Variants in OPA1 observed in about 807,000 individuals in gnomAD.
OPA1 encodes the protein dynamin-like GTPase OPA1, mitochondrial.
OPA1 carries 59 observed loss-of-function variants against 152.9 expected under a neutral mutation model. The ratio of observed to expected loss-of-function variants is 0.39; its 90% CI spans 0.31 to 0.48. The LOEUF is 0.48. Ranked by LOEUF, OPA1 falls within the 20% of genes least tolerant of loss-of-function variation. The pLI, the probability that OPA1 is intolerant of heterozygous loss-of-function variation, is 0.96. For missense variants in OPA1, 1,008 were observed against 1,216.8 expected (o/e 0.83, Z 2.55); for synonymous variants, 400 against 389.9 (o/e 1.03, Z -0.31).
At chr3:193,625,089 T>A (rs1247164483) in intron 6 of OPA1, among the ~76,000 whole-genome samples, 1 of 152,124 alleles carries the variant, frequency 6.6e-6, no homozygotes, top group Non-Finnish European at 1.5e-5. Context: ...TGTAACATTG[T>A]CAAATCTTGG....
At chr3:193,648,333 A>AT in intron 20 of OPA1, 199 bp downstream of exon 20, 1 of 497,138 alleles carries the variant, frequency 2.0e-6, no homozygotes, top group Non-Finnish European at 3.6e-6. Context: ...TTAAAAATGG[A>AT]TTATAAGATG....
chr3:193,693,107 G>T (rs1197516141), intron 30 of OPA1, among the ~76,000 whole-genome samples: 1 of 152,200 alleles, frequency 6.6e-6, no homozygotes, highest in East Asian at 1.9e-4. Flanking sequence ...ACTAGAAGGA[G>T]TAGAAATGTA....
Position 193,637,235 on chromosome 3 carries a change from T to C in OPA1, c.989T>C (p.Leu330Pro). ...IDMYSEVLDV[L>P]SDYDASYNTQ... ...ATGTATTCTGAAGTTCTTGATGTTC[T>C]CTCTGATTATGATGCCAGTTATAAT... is the stretch of plus-strand genomic sequence containing the variant. The change falls in exon 10 of 31, where the codon CTC becomes CCC. Residue 330 changes from leucine to proline, a missense_variant. By Grantham distance (98) the Leu-to-Pro change is moderately conservative. Around this residue, in one of 7 missense-constraint regions of OPA1, gnomAD observed 408 missense variants for 395.1 expected, o/e 1.03. Coordinates refer to ENST00000361510, the MANE Select transcript of OPA1 (RefSeq NM_130837.3). 6.2e-7 allele frequency: 1 copy of C among 1,608,066 alleles called. No homozygotes were observed. Among genetic ancestry groups the C allele is most frequent in the Non-Finnish European group, 8.5e-7 (1 of 1,176,108 alleles).
chr3:193,656,341 G>A (rs1309424625), intron 22 of OPA1, among the ~76,000 whole-genome samples: 1 of 152,108 alleles, frequency 6.6e-6, no homozygotes, highest in Non-Finnish European at 1.5e-5. Context: ...CGTATTTTTG[G>A]ACAGTCACTT....
intron 11 of OPA1, among the ~76,000 whole-genome samples, chr3:193,639,015 T>C (rs772483970): frequency 1.3e-5 from 2 of 151,786 alleles, no homozygotes; most frequent in African/African-American, 2.4e-5. Context: ...AGGGGGGAAA[T>C]GATGCAAGAG....
At chr3:193,659,644 G>A (rs1465596751) in intron 25 of OPA1, 83 bp downstream of exon 25, 2 of 983,292 alleles carry the variant, frequency 2.0e-6, no homozygotes, top group African/African-American at 1.6e-5. Context: ...CCTTTTTGTG[G>A]CTCTAGACCA....
intron 11 of OPA1, among the ~76,000 whole-genome samples, chr3:193,638,636 A>C (rs1330253372): frequency 6.6e-6 from 1 of 152,230 alleles, no homozygotes; most frequent in Non-Finnish European, 1.5e-5. Flanking sequence ...CCCAATCATC[A>C]GAATGTCTGT....
At chr3:193,653,108 G>C (rs1712930190) in intron 21 of OPA1, among the ~76,000 whole-genome samples, 1 of 152,134 alleles carries the variant, frequency 6.6e-6, no homozygotes, top group South Asian at 2.1e-4. Context: ...GCCCTGACAG[G>C]CTGCTTTTCT....
intron 25 of OPA1, among the ~76,000 whole-genome samples, chr3:193,659,847 G>T (rs1046634081): frequency 1.2e-4 from 18 of 152,072 alleles, no homozygotes; most frequent in Non-Finnish European, 1.9e-4. Flanking sequence ...TAAAAAGGAA[G>T]ATTAAAGTTA....
At chr3:193,619,622 C>T (rs1729677155) in intron 6 of OPA1, 1 of 152,004 alleles carries the variant, frequency 6.6e-6, no homozygotes, top group Admixed American at 6.6e-5. Context: ...TGAGTCTTCA[C>T]TTTTTTCATT....
intron 25 of OPA1, 119 bp from the exon 26 acceptor site, chr3:193,662,703 T>C (rs1226306685): frequency 2.5e-6 from 2 of 810,576 alleles, no homozygotes; most frequent in Non-Finnish European, 2.0e-6. Context: ...TCTTGTTTGT[T>C]GTGATTAAGC....
rs188066750 is a variant in OPA1 at position 193,644,512 on chromosome 3, G to A, written c.1608+407G>A. ...TCAGTAGTGAGCCACTGTTATATAA[G>A]GAAAGGTTTATATCAGTGTAGGGAA... is the stretch of plus-strand genomic sequence containing the variant. On this transcript the variant is annotated intron_variant, in intron 16 of 30. Transcript: ENST00000361510. 2.7e-3 allele frequency among the ~76,000 whole-genome samples: 407 copies of A among 152,260 alleles called. 5 individuals are homozygous for A. The highest frequency in any genetic ancestry group is 8.9e-3 in the African/African-American group (371 of 41,538).
intron 11 of OPA1, among the ~76,000 whole-genome samples, chr3:193,641,314 C>A (rs926827344): frequency 7.2e-5 from 11 of 152,152 alleles, no homozygotes; most frequent in African/African-American, 2.2e-4. Context: ...CCTTGACCAA[C>A]CCTGAATTCC....
chr3:193,651,821 TATAAA>T (rs768110324), intron 21 of OPA1, among the ~76,000 whole-genome samples: 14 of 152,254 alleles, frequency 9.2e-5, no homozygotes, highest in Non-Finnish European at 1.6e-4. Context: ...GTGGTTATCT[TATAAA>T]AGAGGAACTA....
chr3:193,594,857 C>T (rs947388880), intron 1 of OPA1, among the ~76,000 whole-genome samples: 1 of 152,144 alleles, frequency 6.6e-6, no homozygotes, highest in African/African-American at 2.4e-5. Flanking sequence ...TTATTTACAA[C>T]CCTTGCATTT....
intron 21 of OPA1, among the ~76,000 whole-genome samples, chr3:193,649,385 A>G (rs1285396057): frequency 6.6e-6 from 1 of 152,194 alleles, no homozygotes; most frequent in Non-Finnish European, 1.5e-5. Flanking sequence ...TTTCTAAGGC[A>G]AACTGTTACC....
At chr3:193,687,962 G>A (rs914034073) in intron 29 of OPA1, among the ~76,000 whole-genome samples, 1 of 152,054 alleles carries the variant, frequency 6.6e-6, no homozygotes, top group Non-Finnish European at 1.5e-5. Context: ...TTGGGCCCGA[G>A]TATCCTGATC....
chr3:193,656,721 T>C (rs1713916434), intron 22 of OPA1, among the ~76,000 whole-genome samples: 1 of 152,152 alleles, frequency 6.6e-6, no homozygotes, highest in South Asian at 2.1e-4. Context: ...TCAGCTACAG[T>C]AGGTGGTGTC....
chr3:193,631,653 T>C lies in OPA1; in HGVS notation c.831T>C (p.Leu277=). 1 of 1,611,746 alleles carries C rather than the reference T, an allele frequency of 6.2e-7. No individual in the cohort carries two copies. ...AAATTGACCAACTTCAGGAAGAACT[T>C]CTGCACACTCAGGTAATCATGATGA... ...KEKIDQLQEE[L]LHTQLKYQRI... is the part of the protein sequence containing the mutation. Residue 277 remains leucine (L), a synonymous_variant, in exon 8 of 31, where the codon CTT becomes CTC. Coordinates refer to ENST00000361510, the MANE Select transcript of OPA1 (RefSeq NM_130837.3).
Sources: allele counts gnomAD v4.1 joint callset (sites outside exome capture counted in the v4.1 genomes callset), GRCh38; gene constraint gnomAD v4.1.1; regional missense constraint gnomAD v4.1.1; transcripts MANE v1.5; gene names NCBI Gene and HGNC (gene_info 2026-07-23, HGNC 2026-07-21).